Variants in DTWD2 observed in about 807,000 individuals in gnomAD.
DTWD2 encodes tRNA-uridine aminocarboxypropyltransferase 2.
Under a neutral mutation model 31.8 loss-of-function variants are expected in DTWD2, and 39 were observed. That is an observed-to-expected ratio of 1.22 (90% CI 0.95 to 1.60). The LOEUF is 1.60. DTWD2 is among the 40% of genes most tolerant of loss of function. The pLI is 0.00. For synonymous variants in DTWD2, 180 were observed against 142.8 expected, an observed-to-expected ratio of 1.26 and a Z score of -1.86; for missense variants, 515 against 381.5, an observed-to-expected ratio of 1.35 and a Z score of -2.92.
At chr5:118,955,373 T>C (rs539409204) in intron 1 of DTWD2, among the ~76,000 whole-genome samples, 4 of 152,348 alleles carry the variant, frequency 2.6e-5, no homozygotes, top group African/African-American at 7.2e-5. Context: ...TGCATGGTAA[T>C]GGTGATTAGC....
intron 5 of DTWD2, among the ~76,000 whole-genome samples, chr5:118,841,294 A>G (rs1028395200): frequency 6.6e-6 from 1 of 152,220 alleles, no homozygotes; most frequent in African/African-American, 2.4e-5. Flanking sequence ...TACACTAAGG[A>G]ATTTTATTAA....
intron 4 of DTWD2, among the ~76,000 whole-genome samples, chr5:118,878,876 C>T (rs796577963): frequency 1.2e-4 from 18 of 152,236 alleles, no homozygotes; most frequent in African/African-American, 4.3e-4. Context: ...GGCCAACAGT[C>T]ATATGAAAGA....
At chr5:118,935,404 T>G (rs1457169815) in intron 3 of DTWD2, among the ~76,000 whole-genome samples, 1 of 152,152 alleles carries the variant, frequency 6.6e-6, no homozygotes. Context: ...AGGGGCAGTC[T>G]TGGGAACTGA....
intron 4 of DTWD2, among the ~76,000 whole-genome samples, chr5:118,873,859 G>A (rs1441562431): frequency 2.0e-5 from 3 of 152,112 alleles, no homozygotes; most frequent in Non-Finnish European, 2.9e-5. Context: ...GAGTCTCCAG[G>A]AGGAGACTTT....
chr5:118,912,203 C>G (rs1181565761), intron 4 of DTWD2, among the ~76,000 whole-genome samples: 1 of 152,204 alleles, frequency 6.6e-6, no homozygotes, highest in Admixed American at 6.5e-5. Flanking sequence ...AGATCTGTCT[C>G]TGAACTAATC....
chr5:118,949,136 T>C (rs1480465165), intron 1 of DTWD2, among the ~76,000 whole-genome samples: 3 of 152,070 alleles, frequency 2.0e-5, no homozygotes, highest in East Asian at 3.9e-4. Context: ...TTTGGGAAGA[T>C]TTGTAGGAGG....
rs58106699 is a variant in DTWD2, at chr5:118,883,595, C to T, written c.598-35377G>A. On this transcript the variant is annotated intron_variant, in intron 4 of 5. Coordinates refer to ENST00000510708, the MANE Select transcript of DTWD2 (RefSeq NM_173666.4). ...AGCTGAGGAGGCCTCAGGAAACTTA[C>T]GATCATGGTAGAGGACAAAGGGGAA... Among the ~76,000 whole-genome samples, 690 of 152,294 alleles carry T rather than the reference C, an allele frequency of 4.5e-3. 6 individuals are homozygous for T. Among genetic ancestry groups the T allele is most frequent in the African/African-American group, 0.016 (676 of 41,556 alleles).
chr5:118,964,363 C>T (rs1256785823), intron 1 of DTWD2, among the ~76,000 whole-genome samples: 1 of 152,092 alleles, frequency 6.6e-6, no homozygotes, highest in Non-Finnish European at 1.5e-5. Context: ...GAAAGAGATG[C>T]CAGGGGAAAA....
chr5:118,933,544 GA>G (rs70982457), intron 3 of DTWD2, among the ~76,000 whole-genome samples: 1 of 151,884 alleles, frequency 6.6e-6, no homozygotes, highest in Non-Finnish European at 1.5e-5. Context: ...GACTAAAGAA[GA>G]AACATCAAAG....
chr5:118,920,179 C>G (rs924461744), intron 4 of DTWD2, among the ~76,000 whole-genome samples: 1 of 151,876 alleles, frequency 6.6e-6, no homozygotes, highest in African/African-American at 2.4e-5. Context: ...GTTGTAACAC[C>G]CTGAAAAAAC....
At chr5:118,956,054 A>T (rs1754577407) in intron 1 of DTWD2, among the ~76,000 whole-genome samples, 1 of 152,176 alleles carries the variant, frequency 6.6e-6, no homozygotes, top group Admixed American at 6.6e-5. Flanking sequence ...TTGCTATGTG[A>T]CCTTGGGCAT....
intron 4 of DTWD2, among the ~76,000 whole-genome samples, chr5:118,901,715 ATAAAG>A (rs1464788356): frequency 1.3e-5 from 2 of 152,212 alleles, no homozygotes; most frequent in East Asian, 1.9e-4. Flanking sequence ...CTAACTATCC[ATAAAG>A]TAGATTATTT....
chr5:118,907,272 C>T (rs1440419605), intron 4 of DTWD2, among the ~76,000 whole-genome samples: 1 of 152,126 alleles, frequency 6.6e-6, no homozygotes, highest in Admixed American at 6.5e-5. Flanking sequence ...AATTTTTGTT[C>T]AACATTTCAA....
At chr5:118,969,790 A>G (rs1260219609) in intron 1 of DTWD2, among the ~76,000 whole-genome samples, 1 of 152,178 alleles carries the variant, frequency 6.6e-6, no homozygotes, top group Non-Finnish European at 1.5e-5. Context: ...AGATGACTGC[A>G]ACACCTCTCC....
intron 1 of DTWD2, among the ~76,000 whole-genome samples, chr5:118,960,721 T>C (rs1351195017): frequency 6.6e-6 from 1 of 151,906 alleles, no homozygotes; most frequent in South Asian, 2.1e-4. Context: ...ATGTGGTACA[T>C]ATATACCATG....
intron 4 of DTWD2, among the ~76,000 whole-genome samples, chr5:118,902,871 T>G (rs1005207185): frequency 1.3e-5 from 2 of 152,080 alleles, no homozygotes; most frequent in Non-Finnish European, 2.9e-5. Flanking sequence ...TTATGAATCA[T>G]TACAATGTTA....
At chr5:118,857,037 A>G (rs1752152438) in intron 4 of DTWD2, among the ~76,000 whole-genome samples, 1 of 151,990 alleles carries the variant, frequency 6.6e-6, no homozygotes, top group Non-Finnish European at 1.5e-5. Flanking sequence ...TCAGCCTCCC[A>G]AAGTGCTGGG....
Position 118,988,364 on chromosome 5 carries a change from C to A in DTWD2, c.148G>T (p.Asp50Tyr). 6.4e-7 allele frequency: 1 copy of A among 1,569,452 alleles called. No individual in the cohort carries two copies. The change falls in exon 1 of 6, where the codon GAC becomes TAC. Residue 50 changes from aspartate to tyrosine, a missense_variant. Asp to Tyr is a radical substitution (Grantham distance 160). Coordinates refer to ENST00000510708, the MANE Select transcript of DTWD2 (RefSeq NM_173666.4). Reference sequence around the variant, plus strand: ...AGCTCCCACAGCCCGTCCGCACTGTCGTCGTCCGCCTCTGCGCCCAGGGCA... The same window carrying A: ...AGCTCCCACAGCCCGTCCGCACTGTAGTCGTCCGCCTCTGCGCCCAGGGCA... ...AAALGAEADD[D>Y]SADGLWELPV...
At chr5:118,841,260 T>C (rs1751707590) in intron 5 of DTWD2, among the ~76,000 whole-genome samples, 173 bp from the exon 6 acceptor site, 1 of 152,216 alleles carries the variant, frequency 6.6e-6, no homozygotes. Flanking sequence ...ATAAATAATG[T>C]CTTTAAAATT....
Sources: allele counts gnomAD v4.1 joint callset (sites outside exome capture counted in the v4.1 genomes callset), GRCh38; gene constraint gnomAD v4.1.1; transcripts MANE v1.5; gene names NCBI Gene and HGNC (gene_info 2026-07-23, HGNC 2026-07-21).